Variants in THNSL1 observed in about 807,000 individuals in gnomAD.
THNSL1 encodes the protein threonine synthase-like 1.
In THNSL1, 48 loss-of-function variants were observed where a neutral mutation model predicts 50.4. That is an observed-to-expected ratio of 0.95 (90% CI 0.76 to 1.21). The LOEUF is 1.21. Among genes scored for constraint, THNSL1 ranks in the 50% most tolerant of loss-of-function variants. The pLI, the probability that THNSL1 is intolerant of heterozygous loss-of-function variation, is 0.00. For synonymous variants in THNSL1, 309 were observed against 306.1 expected (o/e 1.01, Z -0.10); for missense variants, 896 against 871.7 (o/e 1.03, Z -0.35).
the THNSL1 span, among the ~76,000 whole-genome samples, chr10:24,964,352 T>C: frequency 1.3e-5 from 2 of 152,230 alleles, no homozygotes; most frequent in African/African-American, 4.8e-5. Flanking sequence ...TCTGTAGCTC[T>C]CATGAATATG....
At chr10:24,971,394 A>G in the THNSL1 span, among the ~76,000 whole-genome samples, 3 of 152,140 alleles carry the variant, frequency 2.0e-5, no homozygotes, top group Non-Finnish European at 4.4e-5. Context: ...TGTGAACCAC[A>G]GCACCTGGTC....
intron 1 of THNSL1, among the ~76,000 whole-genome samples, chr10:25,021,259 T>C (rs1392151049): frequency 1.3e-5 from 2 of 152,212 alleles, no homozygotes; most frequent in Non-Finnish European, 2.9e-5. Context: ...TTATAGACAC[T>C]TATATAGCTA....
At chr10:24,961,146 T>G in the THNSL1 span, among the ~76,000 whole-genome samples, 5 of 152,338 alleles carry the variant, frequency 3.3e-5, no homozygotes, top group East Asian at 7.7e-4. Flanking sequence ...GGTGCCTTCT[T>G]CCAGTTTTGT....
At chr10:24,960,540 C>A in the THNSL1 span, among the ~76,000 whole-genome samples, 1 of 152,068 alleles carries the variant, frequency 6.6e-6, no homozygotes, top group African/African-American at 2.4e-5. Context: ...GATTCTCCTG[C>A]CTCAGCCACC....
the THNSL1 span, among the ~76,000 whole-genome samples, chr10:24,956,757 C>T: frequency 2.0e-5 from 3 of 152,174 alleles, no homozygotes; most frequent in African/African-American, 4.8e-5. Context: ...GTGTCCCCAA[C>T]TACCGGGCTG....
chr10:25,023,724 A>G lies in THNSL1; in HGVS notation c.501A>G (p.Leu167=). The G allele has an allele frequency of 6.2e-7, 1 of 1,613,920 alleles. No individual in the cohort carries two copies. ...TAGATCTAATTTGTCGTCTAAAATT[A>G]ATGAAGACAGATAGGATTGTAGGTC... The part of the protein sequence containing the change: ...PLLDLICRLK[L]MKTDRIVGQN... The change falls in exon 3 of 3, where the codon TTA becomes TTG. Residue 167 remains leucine, a synonymous_variant. Coordinates refer to ENST00000376356, the MANE Select transcript of THNSL1 (RefSeq NM_024838.5).
the THNSL1 span, among the ~76,000 whole-genome samples, chr10:24,978,434 C>T: frequency 6.8e-6 from 1 of 147,592 alleles, no homozygotes; most frequent in Admixed American, 6.8e-5. Context: ...TCTCTCCTGT[C>T]CTCTCTCTCT....
At chr10:24,986,722 G>A in the THNSL1 span, among the ~76,000 whole-genome samples, 27 of 152,206 alleles carry the variant, frequency 1.8e-4, 1 homozygote, top group East Asian at 3.5e-3. Flanking sequence ...GTACAATAAC[G>A]TTTGGATCAA....
chr10:24,963,425 T>G, the THNSL1 span, among the ~76,000 whole-genome samples: 1 of 152,238 alleles, frequency 6.6e-6, no homozygotes, highest in Non-Finnish European at 1.5e-5. Flanking sequence ...AGTTCTCAGG[T>G]TCAGACCAAT....
chr10:24,966,451 A>T, the THNSL1 span, among the ~76,000 whole-genome samples: 2 of 152,208 alleles, frequency 1.3e-5, no homozygotes, highest in Non-Finnish European at 2.9e-5. Context: ...TTTTTTGGAC[A>T]TCAGAAACAC....
chr10:24,976,155 C>CTAA, the THNSL1 span, among the ~76,000 whole-genome samples: 1 of 152,152 alleles, frequency 6.6e-6, no homozygotes, highest in African/African-American at 2.4e-5. Context: ...GTACCTTTAG[C>CTAA]AAGATCATAT....
the THNSL1 span, among the ~76,000 whole-genome samples, chr10:24,966,984 G>A: frequency 2.6e-5 from 4 of 152,036 alleles, no homozygotes; most frequent in Non-Finnish European, 5.9e-5. Context: ...TCATGGCTTT[G>A]AAAAGTCATA....
chr10:24,972,522 A>AAAAAAAAAAAAAT, the THNSL1 span, among the ~76,000 whole-genome samples: 1 of 150,072 alleles, frequency 6.7e-6, no homozygotes, highest in African/African-American at 2.5e-5. Context: ...AAAAAAAAAT[A>AAAAAAAAAAAAAT]AATAATAATA....
chr10:25,010,666 T>A, the THNSL1 span, among the ~76,000 whole-genome samples: 1 of 145,548 alleles, frequency 6.9e-6, no homozygotes, highest in East Asian at 2.3e-4. Flanking sequence ...CATTGTTCAA[T>A]TCCCATCTAT....
the THNSL1 span, among the ~76,000 whole-genome samples, chr10:24,991,229 T>C: frequency 2.0e-5 from 3 of 152,094 alleles, no homozygotes; most frequent in Non-Finnish European, 4.4e-5. Flanking sequence ...CTTCAGTTTT[T>C]ACCTGAAATA....
At chr10:24,975,710 T>C in the THNSL1 span, among the ~76,000 whole-genome samples, 1 of 152,220 alleles carries the variant, frequency 6.6e-6, no homozygotes, top group Admixed American at 6.5e-5. Context: ...GTAAGTTTCC[T>C]GAGGCCTCCC....
chr10:24,985,004 G>A, the THNSL1 span: 1 of 919,046 alleles, frequency 1.1e-6, no homozygotes, highest in Non-Finnish European at 1.7e-6. Flanking sequence ...ATAAGTAAAA[G>A]AAACTGACAA....
chr10:24,991,527 C>T, the THNSL1 span, among the ~76,000 whole-genome samples: 1 of 152,054 alleles, frequency 6.6e-6, no homozygotes. Flanking sequence ...CACCAATGGG[C>T]ACCAGCATGC....
Position 25,023,473 on chromosome 10 carries a change from A to G in THNSL1, c.250A>G (p.Ile84Val). 1 of 1,614,160 alleles carries G rather than the reference A, an allele frequency of 6.2e-7. No homozygotes were observed. The highest frequency in any genetic ancestry group is 8.5e-7 in the Non-Finnish European group (1 of 1,180,010). ...IIGQKLGCCV[I>V]DVDDDILEKT... is the part of the protein sequence containing the mutation. ...AGGTCAGAAACTAGGTTGTTGTGTC[A>G]TAGATGTGGATGATGATATCCTTGA... The change falls in exon 3 of 3, where the codon ATA becomes GTA. Residue 84 changes from isoleucine to valine, a missense_variant. Coordinates refer to ENST00000376356, the MANE Select transcript of THNSL1 (RefSeq NM_024838.5).
Sources: allele counts gnomAD v4.1 joint callset (sites outside exome capture counted in the v4.1 genomes callset), GRCh38; gene constraint gnomAD v4.1.1; transcripts MANE v1.5; gene names NCBI Gene and HGNC (gene_info 2026-07-23, HGNC 2026-07-21).